Variants in LRRC9 observed in about 807,000 individuals in gnomAD.
The protein encoded by LRRC9 is leucine-rich repeat-containing protein 9.
A neutral mutation model predicts 63.2 loss-of-function variants in LRRC9; 122 were observed. The observed-to-expected ratio is 1.93, with a 90% CI of 1.67 to 2.24. LRRC9 has a LOEUF of 2.24. Ranked by LOEUF, LRRC9 falls within the 30% of genes most tolerant of loss-of-function variation. The pLI is 0.00. For synonymous variants in LRRC9, 366 were observed against 213.1 expected, an observed-to-expected ratio of 1.72 and a Z score of -6.25; for missense variants, 1,071 against 627.7, an observed-to-expected ratio of 1.71 and a Z score of -7.55.
chr14:60,002,601 A>T (rs1230541097), intron 20 of LRRC9, among the ~76,000 whole-genome samples: 1 of 152,216 alleles, frequency 6.6e-6, no homozygotes, highest in Non-Finnish European at 1.5e-5. Flanking sequence ...GAGTTGGAAA[A>T]AATAAAAATA....
intron 8 of LRRC9, among the ~76,000 whole-genome samples, chr14:59,955,170 G>A (rs1366668967): frequency 1.3e-5 from 2 of 152,172 alleles, no homozygotes; most frequent in African/African-American, 4.8e-5. Context: ...AATGAGTTAG[G>A]GAGGAGTCCC....
chr14:60,041,934 G>A (rs990222042), intron 29 of LRRC9, among the ~76,000 whole-genome samples: 1 of 152,130 alleles, frequency 6.6e-6, no homozygotes, highest in Non-Finnish European at 1.5e-5. Flanking sequence ...TTTTGGTATG[G>A]ATGTCCTTTC....
At position 59,959,817 on chromosome 14, in the gene LRRC9, G is replaced by T; in HGVS notation, c.883-1G>T. The T allele has an allele frequency of 1.6e-6, 1 of 606,488 alleles. No individual in the cohort carries two copies. 37.6% of individuals were successfully genotyped at this position (606,488 alleles called of 1,614,324 possible). ...GCTCTCTGACACATTGTTTTCCACA[G>T]TTGGAACGAGAACTGGCTGAACTCA... On this transcript the variant is annotated splice_acceptor_variant, in intron 8 of 31. Transcript: ENST00000445360. LOFTEE classifies it high-confidence loss of function.
At chr14:60,040,047 G>A (rs1423793008) in intron 29 of LRRC9, among the ~76,000 whole-genome samples, 2 of 151,898 alleles carry the variant, frequency 1.3e-5, no homozygotes, top group Non-Finnish European at 2.9e-5. Flanking sequence ...GGAGCAGGTT[G>A]TTCAGTTTCC....
At chr14:59,977,396 ATGTT>A in intron 14 of LRRC9, 49 bp downstream of exon 14, 1 of 623,904 alleles carries the variant, frequency 1.6e-6, no homozygotes, top group South Asian at 1.8e-5. Flanking sequence ...TGAATGAAAA[ATGTT>A]TGTGTTTAAT....
chr14:59,975,391 TATAAG>T (rs1227261677), intron 13 of LRRC9, among the ~76,000 whole-genome samples: 4 of 151,830 alleles, frequency 2.6e-5, no homozygotes, highest in Non-Finnish European at 5.9e-5. Flanking sequence ...ACTTGTCTTA[TATAAG>T]ATAATTTTTT....
chr14:60,044,456 T>A (rs147404011), intron 29 of LRRC9, among the ~76,000 whole-genome samples: 1 of 152,330 alleles, frequency 6.6e-6, no homozygotes, highest in Admixed American at 6.5e-5. Context: ...CTGTTGGTAC[T>A]GCTTCTGCCA....
In LRRC9 at chr14:60,039,643, T is replaced by C. The variant is rs185345328; in HGVS notation, c.3990+7580T>C. On this transcript the variant is annotated intron_variant, in intron 29 of 31. Coordinates refer to ENST00000445360, the Ensembl canonical transcript of LRRC9. ...ATCATTTTTTATTGAGTCTATTTGA[T>C]TCTTCTCTCTTTTCTTCTTTATTAG... 2.0e-4 allele frequency among the ~76,000 whole-genome samples: 31 copies of C among 152,314 alleles called. No individual in the cohort carries two copies. The East Asian group carries it at 5.8e-3, about 28-fold the overall frequency.
At chr14:60,055,517 T>A (rs1225210091) in intron 30 of LRRC9, among the ~76,000 whole-genome samples, 1 of 152,154 alleles carries the variant, frequency 6.6e-6, no homozygotes, top group Non-Finnish European at 1.5e-5. Context: ...TACCACAAAT[T>A]TAGTGGCTTA....
At chr14:60,035,328 T>C (rs1398063389) in intron 29 of LRRC9, among the ~76,000 whole-genome samples, 2 of 152,228 alleles carry the variant, frequency 1.3e-5, no homozygotes, top group East Asian at 3.8e-4. Context: ...TTATTTACTT[T>C]GCTGTACGGA....
At chr14:60,048,754 T>C (rs977282131) in intron 29 of LRRC9, among the ~76,000 whole-genome samples, 3 of 152,054 alleles carry the variant, frequency 2.0e-5, no homozygotes, top group Non-Finnish European at 2.9e-5. Flanking sequence ...TTCCAAAAAA[T>C]TGAAAAGGAG....
At chr14:59,985,169 G>T (rs554146166) in exon 17 of LRRC9, 1 of 692,618 alleles carries the variant, frequency 1.4e-6, no homozygotes, top group African/African-American at 1.8e-5. Context: ...ACAGGACTTC[G>T]AAAACTAAAC....
chr14:59,967,465 T>C (rs1884979447), intron 12 of LRRC9, among the ~76,000 whole-genome samples: 1 of 152,244 alleles, frequency 6.6e-6, no homozygotes, highest in African/African-American at 2.4e-5. Context: ...GTTGTGTTCC[T>C]TTTGTTGATG....
chr14:60,029,867 T>C (rs1891856590), intron 28 of LRRC9, among the ~76,000 whole-genome samples: 1 of 152,096 alleles, frequency 6.6e-6, no homozygotes, highest in African/African-American at 2.4e-5. Flanking sequence ...TATTTTCCAT[T>C]GAATTTAGAT....
intron 29 of LRRC9, among the ~76,000 whole-genome samples, chr14:60,048,933 C>G (rs1893666574): frequency 6.6e-6 from 1 of 152,152 alleles, no homozygotes; most frequent in East Asian, 1.9e-4. Context: ...GGCTTATCCA[C>G]CATGATCAAG....
rs1197300422 is a variant in LRRC9, at chr14:59,922,653, A to G, written c.-34+2770A>G. Among the ~76,000 whole-genome samples, 1 of 152,190 alleles carries G rather than the reference A, an allele frequency of 6.6e-6. No individual in the cohort carries two copies. The highest frequency in any genetic ancestry group is 1.9e-4 in the East Asian group (1 of 5,192). ...GACAGGAGTCAGAAGGGAAAGAAAA[A>G]TACGTCTTTGAGAGGAGGGAAATAA... On this transcript the variant is annotated intron_variant, in intron 1 of 31. Transcript: ENST00000445360. The surrounding 1 kb of genome is among the most constrained non-coding windows in gnomAD (Gnocchi z 5.3).
In LRRC9 at chr14:59,930,740, G is replaced by A. The variant is rs1460588204; in HGVS notation, c.268-178G>A. On this transcript the variant is annotated intron_variant, in intron 3 of 31. Coordinates refer to ENST00000445360, the Ensembl canonical transcript of LRRC9. This position sits in a 1 kb window ranked among gnomAD's most constrained non-coding sequence, Gnocchi z 4.9. ...AGAACATGCAAAATTGAAAATAGTT[G>A]TATTTAAATGGAAAACATGGAATAT... Among the ~76,000 whole-genome samples, 1 of 151,494 alleles carries A rather than the reference G, an allele frequency of 6.6e-6. No homozygotes were observed. Among genetic ancestry groups the A allele is most frequent in the African/African-American group, 2.4e-5 (1 of 41,338 alleles).
chr14:60,032,978 C>T (rs219410), intron 29 of LRRC9, among the ~76,000 whole-genome samples: 112,044 of 152,028 alleles, frequency 0.74, 43,759 homozygotes, highest in Non-Finnish European at 0.87. Context: ...ATTCAACCTT[C>T]GCATTCATAA....
chr14:60,038,794 C>T (rs1290879111), intron 29 of LRRC9, among the ~76,000 whole-genome samples: 2 of 152,216 alleles, frequency 1.3e-5, no homozygotes, highest in East Asian at 3.8e-4. Context: ...CCAGAACTTC[C>T]AACACTATGT....
Sources: gnomAD v4.1 joint callset for allele counts (sites outside exome capture counted in the v4.1 genomes callset) on GRCh38, gnomAD v4.1.1 for gene constraint, Gnocchi (gnomAD v3.1) non-coding constraint, MANE v1.5 for transcripts, NCBI Gene and HGNC (gene_info 2026-07-23, HGNC 2026-07-21) for gene names.